The following FBXO16 variants were observed in gnomAD, a reference collection of about 807,000 sequenced individuals.
The protein encoded by FBXO16 is F-box protein 16, also known as F-box only protein 16.
FBXO16 carries 31 observed loss-of-function variants against 41.0 expected under a neutral mutation model. The observed-to-expected ratio is 0.76, with a 90% CI of 0.57 to 1.02. FBXO16 has a LOEUF of 1.02. Among genes scored for constraint, FBXO16 ranks in the 50% least tolerant of loss-of-function variants. FBXO16 has a pLI of 0.00. For missense variants in FBXO16, 361 were observed against 346.2 expected (o/e 1.04, Z -0.34); for synonymous variants, 133 against 117.8 (o/e 1.13, Z -0.84).
intron 7 of FBXO16, among the ~76,000 whole-genome samples, chr8:28,432,406 G>A (rs374046065): frequency 2.0e-5 from 3 of 151,870 alleles, no homozygotes; most frequent in Non-Finnish European, 2.9e-5. Context: ...CCTGGGAGTC[G>A]GAGGTTGCAG....
At chr8:28,450,941 A>G (rs1050235631) in intron 6 of FBXO16, among the ~76,000 whole-genome samples, 12 of 152,226 alleles carry the variant, frequency 7.9e-5, no homozygotes, top group Non-Finnish European at 1.0e-4. Flanking sequence ...AATAAAAATA[A>G]TAATTTTTTA....
intron 7 of FBXO16, among the ~76,000 whole-genome samples, chr8:28,441,932 G>A (rs543916233): frequency 1.3e-3 from 158 of 122,304 alleles, no homozygotes; most frequent in African/African-American, 6.2e-3. Context: ...GTGTGTGTGT[G>A]TGTGTGTGTG....
intron 1 of FBXO16, among the ~76,000 whole-genome samples, chr8:28,485,258 C>T (rs1237393082): frequency 6.6e-6 from 1 of 152,174 alleles, no homozygotes; most frequent in East Asian, 1.9e-4. Flanking sequence ...CTGCAACCTG[C>T]ACCTCCCAGG....
At chr8:28,463,535 C>T (rs1044889342) in intron 4 of FBXO16, 77 bp downstream of exon 4, 2 of 1,465,838 alleles carry the variant, frequency 1.4e-6, no homozygotes, top group Non-Finnish European at 1.9e-6. Flanking sequence ...TGTGTTTCCC[C>T]TTAACTTCTA....
rs79055042 is a variant in FBXO16, at chr8:28,442,360, C to G, written c.843+4811G>C. On this transcript the variant is annotated intron_variant, in intron 7 of 8. Coordinates refer to ENST00000380254, the MANE Select transcript of FBXO16 (RefSeq NM_172366.4). ...AGCCTTCAAAACTGTAAAGGATTAG[C>G]AATCAGGTCTAAGCTTTATTCCCAT... Among the ~76,000 whole-genome samples the G allele has an allele frequency of 1.4e-4, 21 of 151,930 alleles. No homozygotes were observed. The East Asian group carries it at 3.5e-3, about 25-fold the overall frequency.
chr8:28,459,644 T>TAAC (rs963319687), intron 4 of FBXO16, among the ~76,000 whole-genome samples: 4 of 146,596 alleles, frequency 2.7e-5, no homozygotes, highest in African/African-American at 9.9e-5. Flanking sequence ...ATAATAATAA[T>TAAC]AATAATAATA....
At chr8:28,452,658 G>A (rs747195706) in intron 5 of FBXO16, among the ~76,000 whole-genome samples, 182 bp from the exon 6 acceptor site, 12 of 151,922 alleles carry the variant, frequency 7.9e-5, no homozygotes, top group Non-Finnish European at 1.5e-4. Flanking sequence ...AAAATTAGCC[G>A]GGTGTGGTGG....
chr8:28,468,856 A>G (rs1054564959), intron 3 of FBXO16, among the ~76,000 whole-genome samples: 1 of 152,024 alleles, frequency 6.6e-6, no homozygotes, highest in Non-Finnish European at 1.5e-5. Flanking sequence ...TTGAAAAAAA[A>G]AAAAAAGTTT....
intron 7 of FBXO16, among the ~76,000 whole-genome samples, chr8:28,441,807 T>G (rs1195935859): frequency 6.7e-6 from 1 of 150,004 alleles, no homozygotes; most frequent in East Asian, 1.9e-4. Context: ...TGAAGTTTAA[T>G]GAAGATGGTA....
chr8:28,487,927 A>T (rs1445456111), intron 1 of FBXO16, among the ~76,000 whole-genome samples: 2 of 150,972 alleles, frequency 1.3e-5, no homozygotes, highest in Non-Finnish European at 3.0e-5. Flanking sequence ...AACTCGGCTC[A>T]CCACAACCTC....
rs1245592413 is a variant in FBXO16 at position 28,473,918 on chromosome 8, G to A, written c.100-111C>T. The stretch of plus-strand genomic sequence containing the variant: ...TGAATAAACATTCATTGTATCAACT[G>A]AATATTAAAAGGCAGATTTTACTCC... On this transcript the variant is annotated intron_variant, in intron 2 of 8. Transcript: ENST00000380254. 26 of 817,868 alleles carry A rather than the reference G, an allele frequency of 3.2e-5. No individual in the cohort carries two copies. In the South Asian group the frequency reaches 4.3e-4, roughly 13 times the overall value. The allele number at this position is 817,868 out of a possible 1,614,324, so 50.7% of individuals were successfully genotyped here. A position where few individuals can be genotyped will look rare whatever the true frequency, so the allele number is the denominator to read the frequency against.
chr8:28,470,328 A>G (rs1247854374), intron 3 of FBXO16, among the ~76,000 whole-genome samples: 2 of 152,140 alleles, frequency 1.3e-5, no homozygotes, highest in Admixed American at 1.3e-4. Flanking sequence ...GGCATTTTCT[A>G]TTTACTCAAT....
chr8:28,436,796 G>A (rs1256418766), intron 7 of FBXO16, among the ~76,000 whole-genome samples: 1 of 152,136 alleles, frequency 6.6e-6, no homozygotes, highest in Non-Finnish European at 1.5e-5. Context: ...CTGTCACCCA[G>A]GCTGAAGTGC....
intron 4 of FBXO16, among the ~76,000 whole-genome samples, chr8:28,459,623 AAATAATAATAAT>A (rs57120891): frequency 0.032 from 4,461 of 137,854 alleles, 82 homozygotes; most frequent in Non-Finnish European, 0.035. Context: ...CCTGTCTCAA[AAATAATAATAAT>A]AATAATAATA....
chr8:28,483,878 G>C (rs1203266749), intron 1 of FBXO16, among the ~76,000 whole-genome samples: 1 of 152,156 alleles, frequency 6.6e-6, no homozygotes, highest in Non-Finnish European at 1.5e-5. Context: ...TTTTTAGCAT[G>C]TTGGCAGAGG....
At chr8:28,488,293 C>CTTTT (rs10708340) in intron 1 of FBXO16, among the ~76,000 whole-genome samples, 34 of 96,218 alleles carry the variant, frequency 3.5e-4, no homozygotes, top group East Asian at 1.0e-3. Context: ...TCTTCTAAGC[C>CTTTT]TTTTTTTTTT....
chr8:28,472,702 A>G (rs939718189), intron 3 of FBXO16, among the ~76,000 whole-genome samples: 9 of 152,128 alleles, frequency 5.9e-5, no homozygotes, highest in African/African-American at 2.2e-4. Flanking sequence ...CCGAGATGGC[A>G]CCATTACACT....
Position 28,452,337 on chromosome 8 carries a change from A to C in FBXO16, c.647T>G (p.Leu216Arg), listed in dbSNP as rs375008847. The change falls in exon 6 of 9, where the codon CTT becomes CGT. Residue 216 changes from leucine (L) to arginine (R), a missense_variant. Transcript: ENST00000380254. Reference sequence around the variant, plus strand: ...CTTATCAGAAGATCGCCAGGGTGGAAGTGCTTTCTCCCCTGAGTTATTCTT... The same window carrying C: ...CTTATCAGAAGATCGCCAGGGTGGACGTGCTTTCTCCCCTGAGTTATTCTT... Reference protein sequence around the residue: ...RKKNNSGEKALPPWRSSDKHP... With the variant: ...RKKNNSGEKARPPWRSSDKHP... 32 of 1,614,076 alleles carry C rather than the reference A, an allele frequency of 2.0e-5. No homozygotes were observed. The highest frequency in any genetic ancestry group is 2.4e-5 in the Non-Finnish European group (28 of 1,180,050).
chr8:28,429,397 T>C lies in FBXO16; in HGVS notation c.850A>G (p.Arg284Gly). Residue 284 changes from arginine (R) to glycine (G), a missense_variant, in exon 8 of 9, where the codon AGG becomes GGG. Transcript: ENST00000380254. ...ACTCACAGTGGGAAGGGATTTCTCC[T>C]CGACATCTGGCCGCGAGCAGGAAAG... The part of the protein sequence containing the change: ...RLRKAQSMMS[R>G]RNPFPLCP The C allele has an allele frequency of 6.2e-7, 1 of 1,613,926 alleles. No individual in the cohort carries two copies. The highest frequency in any genetic ancestry group is 8.5e-7 in the Non-Finnish European group (1 of 1,179,914).
Sources: gnomAD v4.1 joint callset for allele counts (sites outside exome capture counted in the v4.1 genomes callset) on GRCh38, gnomAD v4.1.1 for gene constraint, MANE v1.5 for transcripts, NCBI Gene and HGNC (gene_info 2026-07-23, HGNC 2026-07-21) for gene names.